C1GALT1: variants seen among roughly 807,000 people sequenced by gnomAD.
The protein encoded by C1GALT1 is core 1 synthase, glycoprotein-N-acetylgalactosamine 3-beta-galactosyltransferase 1, also known as glycoprotein-N-acetylgalactosamine 3-beta-galactosyltransferase 1.
In C1GALT1, 11 loss-of-function variants were observed where a neutral mutation model predicts 31.0. The observed-to-expected ratio is 0.36, with a 90% confidence interval of 0.22 to 0.59. The LOEUF is 0.59. Among genes scored for constraint, C1GALT1 ranks in the 20% least tolerant of loss-of-function variants. The probability of loss-of-function intolerance (pLI) is 0.79; values close to 1 mark genes in which losing one functional copy is unlikely to be tolerated. For synonymous variants in C1GALT1, 175 were observed against 143.6 expected, an observed-to-expected ratio of 1.22 and a Z score of -1.56; for missense variants, 424 against 425.2, an observed-to-expected ratio of 1.00 and a Z score of 0.03.
intron 2 of C1GALT1, among the ~76,000 whole-genome samples, chr7:7,235,577 C>G (rs780397876): frequency 6.6e-6 from 1 of 152,164 alleles, no homozygotes; most frequent in Non-Finnish European, 1.5e-5. Flanking sequence ...AGGCAGAGTT[C>G]CCTACTAATA....
chr7:7,228,960 C>T (rs756293790), intron 1 of C1GALT1, among the ~76,000 whole-genome samples: 1 of 149,308 alleles, frequency 6.7e-6, no homozygotes, highest in Non-Finnish European at 1.5e-5. Flanking sequence ...TGTTCTGAAG[C>T]TCAGCATGTC....
intron 1 of C1GALT1, among the ~76,000 whole-genome samples, chr7:7,199,834 T>A (rs906200287): frequency 1.3e-5 from 2 of 152,216 alleles, no homozygotes; most frequent in Non-Finnish European, 2.9e-5. Context: ...TGGTTTAAAG[T>A]CTGTTTTATC....
intron 1 of C1GALT1, among the ~76,000 whole-genome samples, chr7:7,226,936 G>A (rs1487777634): frequency 1.3e-5 from 2 of 152,016 alleles, no homozygotes; most frequent in Non-Finnish European, 2.9e-5. Context: ...ATGTATATGT[G>A]TATATATATA....
At chr7:7,190,883 T>C (rs999084178) in intron 1 of C1GALT1, among the ~76,000 whole-genome samples, 1 of 152,152 alleles carries the variant, frequency 6.6e-6, no homozygotes, top group African/African-American at 2.4e-5. Flanking sequence ...AAAATCTTCC[T>C]GTGTTTTAGC....
At chr7:7,223,005 T>TA (rs1438958962) in intron 1 of C1GALT1, among the ~76,000 whole-genome samples, 2 of 152,194 alleles carry the variant, frequency 1.3e-5, no homozygotes, top group Non-Finnish European at 2.9e-5. Flanking sequence ...ACATACTTCT[T>TA]ACAAGCACAT....
intron 1 of C1GALT1, among the ~76,000 whole-genome samples, chr7:7,185,035 A>G (rs1378359509): frequency 6.6e-6 from 1 of 152,218 alleles, no homozygotes; most frequent in Non-Finnish European, 1.5e-5. Flanking sequence ...AGCTAATTCA[A>G]ATGTCCAAGG....
chr7:7,236,626 A>G (rs530817103), intron 2 of C1GALT1, among the ~76,000 whole-genome samples: 2 of 152,166 alleles, frequency 1.3e-5, no homozygotes, highest in African/African-American at 4.8e-5. Context: ...GGTTCAAGCA[A>G]TTCTCCTGCC....
intron 1 of C1GALT1, among the ~76,000 whole-genome samples, chr7:7,189,622 T>G (rs1197733422): frequency 6.6e-6 from 1 of 152,190 alleles, no homozygotes; most frequent in Non-Finnish European, 1.5e-5. Context: ...TGGTTCTTTT[T>G]GCTGTACATT....
At position 7,248,390 on chromosome 7, in the gene C1GALT1, G is replaced by C. The variant is rs1783931085; in HGVS notation, c.*4663G>C. 6.6e-6 allele frequency: 1 copy of C among 151,908 alleles called. No individual in the cohort carries two copies. The highest frequency in any genetic ancestry group is 2.4e-5 in the African/African-American group (1 of 41,386). The allele number at this position is 151,908 out of a possible 1,614,324, so 9.4% of individuals were successfully genotyped here. On this transcript the variant is annotated 3_prime_UTR_variant, in exon 4 of 4. Transcript: ENST00000436587. ...TTATTAGAGGGAAACTAATCTTACT[G>C]CTAAGCAGTGTGTTGTACTACATAG...
intron 2 of C1GALT1, among the ~76,000 whole-genome samples, chr7:7,175,753 G>C (rs912651727): frequency 6.6e-6 from 1 of 151,938 alleles, no homozygotes; most frequent in African/African-American, 2.4e-5. Flanking sequence ...TCACACTTTT[G>C]GAGGCTAGCA....
At chr7:7,190,961 T>C (rs71533355) in intron 1 of C1GALT1, among the ~76,000 whole-genome samples, 9,714 of 152,166 alleles carry the variant, frequency 0.064, 377 homozygotes, top group East Asian at 0.16. Context: ...CCTTTTTTTT[T>C]CCAAACTTTT....
intron 1 of C1GALT1, among the ~76,000 whole-genome samples, chr7:7,227,624 G>A (rs1782831761): frequency 6.6e-6 from 1 of 151,288 alleles, no homozygotes; most frequent in African/African-American, 2.4e-5. Flanking sequence ...GGAGGCTGAG[G>A]CAGGAGAATG....
intron 1 of C1GALT1, among the ~76,000 whole-genome samples, chr7:7,228,626 T>C (rs1245534659): frequency 6.6e-6 from 1 of 151,778 alleles, no homozygotes; most frequent in African/African-American, 2.4e-5. Context: ...AAATGGGAGT[T>C]TACAGTTATT....
rs1476306320 is a variant in C1GALT1 at position 7,244,793 on chromosome 7, A to T, written c.*1066A>T. On this transcript the variant is annotated 3_prime_UTR_variant, in exon 4 of 4. Transcript: ENST00000436587. ...GGTGGCTATTAGTTACAGTGGCAAG[A>T]TTATTTAGAAAGCAAGATTTTGATG... 1 of 152,202 alleles carries T rather than the reference A, an allele frequency of 6.6e-6. No individual in the cohort carries two copies. The highest frequency in any genetic ancestry group is 2.4e-5 in the African/African-American group (1 of 41,458). 9.4% of individuals were successfully genotyped at this position (152,202 alleles called of 1,614,324 possible).
chr7:7,170,666 C>T (rs796158273), intron 2 of C1GALT1, among the ~76,000 whole-genome samples: 3 of 152,216 alleles, frequency 2.0e-5, no homozygotes, highest in African/African-American at 7.2e-5. Context: ...ATCTGTGATC[C>T]CACTTACTCA....
At chr7:7,187,004 T>C (rs1430543381) in intron 1 of C1GALT1, among the ~76,000 whole-genome samples, 6 of 152,006 alleles carry the variant, frequency 3.9e-5, no homozygotes. Flanking sequence ...TGGCTATTGG[T>C]AAAAATGGGC....
chr7:7,220,781 A>G (rs1015775014), intron 1 of C1GALT1, among the ~76,000 whole-genome samples: 1 of 152,170 alleles, frequency 6.6e-6, no homozygotes, highest in Non-Finnish European at 1.5e-5. Context: ...CGGCCTCCCA[A>G]AGTGCTGGGA....
intron 1 of C1GALT1, among the ~76,000 whole-genome samples, chr7:7,204,762 C>G (rs574976642): frequency 1.3e-5 from 2 of 152,222 alleles, no homozygotes; most frequent in African/African-American, 4.8e-5. Flanking sequence ...TCGTTTGTCT[C>G]TAAGTATTTT....
intron 1 of C1GALT1, among the ~76,000 whole-genome samples, chr7:7,191,396 G>T (rs74969957): frequency 0.033 from 4,996 of 152,112 alleles, 182 homozygotes; most frequent in African/African-American, 0.091. Context: ...CAGTGAACAC[G>T]TGGTTTGCTT....
Sources: gnomAD v4.1 joint callset for allele counts (sites outside exome capture counted in the v4.1 genomes callset) on GRCh38, gnomAD v4.1.1 for gene constraint, MANE v1.5 for transcripts, NCBI Gene and HGNC (gene_info 2026-07-23, HGNC 2026-07-21) for gene names.